The following PDE4D variants were observed in gnomAD, a reference collection of about 807,000 sequenced individuals.
PDE4D encodes the protein 3',5'-cyclic-AMP phosphodiesterase 4D.
A neutral mutation model predicts 87.4 loss-of-function variants in PDE4D; 24 were observed. The ratio of observed to expected loss-of-function variants is 0.27; its 90% CI spans 0.20 to 0.39. PDE4D has a LOEUF of 0.39. PDE4D is among the 10% of genes least tolerant of loss of function. PDE4D has a pLI of 1.00. For missense variants in PDE4D, 714 were observed against 1,041.0 expected (o/e 0.69, Z 4.32); for synonymous variants, 384 against 383.2 (o/e 1.00, Z -0.02).
chr5:60,161,880 A>G (rs555757626), intron 2 of PDE4D, among the ~76,000 whole-genome samples: 1 of 152,288 alleles, frequency 6.6e-6, no homozygotes, highest in African/African-American at 2.4e-5. Context: ...CAAAGGAGAA[A>G]ACTGAGATGC....
At chr5:60,167,429 C>T (rs898332901) in intron 2 of PDE4D, among the ~76,000 whole-genome samples, 1 of 151,616 alleles carries the variant, frequency 6.6e-6, no homozygotes, top group African/African-American at 2.4e-5. Flanking sequence ...CCACCTCGCC[C>T]GGCTAATTTT....
chr5:59,128,015 C>CGTGTGTGTGTGTGTGT (rs55796726), intron 5 of PDE4D, among the ~76,000 whole-genome samples: 261 of 144,412 alleles, frequency 1.8e-3, no homozygotes, highest in South Asian at 6.8e-3. Flanking sequence ...CTTTCAGAGC[C>CGTGTGTGTGTGTGTGT]GTGTGTGTGT....
chr5:60,214,108 G>A (rs916520454), intron 1 of PDE4D, among the ~76,000 whole-genome samples: 4 of 152,108 alleles, frequency 2.6e-5, no homozygotes, highest in African/African-American at 9.7e-5. Flanking sequence ...TGAGAGAGAT[G>A]CTAAGATCAC....
intron 5 of PDE4D, among the ~76,000 whole-genome samples, chr5:59,112,123 C>T (rs1772762766): frequency 6.6e-6 from 1 of 152,040 alleles, no homozygotes; most frequent in Non-Finnish European, 1.5e-5. Context: ...AGATGAAACA[C>T]AAGCAAAGAC....
rs569327711 is a variant in PDE4D, at chr5:60,503,208, T to C, written n.70+18843A>G. On this transcript the variant is annotated intron_variant and non_coding_transcript_variant, in intron 1 of 2. Transcript: ENST00000506510. Reference sequence around the variant, plus strand: ...AGTGAGGGAATCCACGATACTCCTTTCCCTAATAACTCAGCAGAAAACAAG... The same window carrying C: ...AGTGAGGGAATCCACGATACTCCTTCCCCTAATAACTCAGCAGAAAACAAG... Among the ~76,000 whole-genome samples, 16 of 152,204 alleles carry C rather than the reference T, an allele frequency of 1.1e-4. No homozygotes were observed. In the South Asian group the frequency reaches 2.9e-3, roughly 28 times the overall value.
At chr5:60,040,498 A>G (rs1425383350) in intron 2 of PDE4D, among the ~76,000 whole-genome samples, 4 of 152,206 alleles carry the variant, frequency 2.6e-5, no homozygotes, top group Non-Finnish European at 2.9e-5. Flanking sequence ...TTATCTCACT[A>G]TAACTTTCAC....
chr5:59,792,630 G>T (rs1426966575), intron 1 of PDE4D, among the ~76,000 whole-genome samples: 3 of 152,130 alleles, frequency 2.0e-5, no homozygotes, highest in African/African-American at 7.2e-5. Flanking sequence ...GAGAATAAGT[G>T]AATATGCAAA....
At chr5:60,148,155 C>A (rs567503563) in intron 2 of PDE4D, among the ~76,000 whole-genome samples, 10 of 152,218 alleles carry the variant, frequency 6.6e-5, no homozygotes, top group Non-Finnish European at 1.2e-4. Flanking sequence ...TTACCCCCAC[C>A]AAGCAGTAGT....
At chr5:59,456,817 T>C (rs953637953) in intron 1 of PDE4D, among the ~76,000 whole-genome samples, 1 of 152,140 alleles carries the variant, frequency 6.6e-6, no homozygotes, top group African/African-American at 2.4e-5. Flanking sequence ...AGGGTTCAAG[T>C]GAAGGAATTA....
At chr5:59,663,043 T>C (rs1745499951) in intron 1 of PDE4D, among the ~76,000 whole-genome samples, 1 of 152,240 alleles carries the variant, frequency 6.6e-6, no homozygotes, top group Non-Finnish European at 1.5e-5. Flanking sequence ...AGGCTTCACA[T>C]TAAATTTTGC....
chr5:59,379,237 G>A (rs1299095894), intron 1 of PDE4D, among the ~76,000 whole-genome samples: 2 of 152,018 alleles, frequency 1.3e-5, no homozygotes, highest in Non-Finnish European at 2.9e-5. Flanking sequence ...TTGATTGCCT[G>A]ATACATAAAT....
chr5:59,339,456 G>C (rs1248865460), intron 1 of PDE4D, among the ~76,000 whole-genome samples: 1 of 152,154 alleles, frequency 6.6e-6, no homozygotes, highest in African/African-American at 2.4e-5. Context: ...CAGGGGAGGA[G>C]GTGTTCTGTG....
chr5:60,216,346 C>T (rs1743848565), intron 1 of PDE4D, among the ~76,000 whole-genome samples: 1 of 152,108 alleles, frequency 6.6e-6, no homozygotes, highest in Non-Finnish European at 1.5e-5. Context: ...TTGTAATAGA[C>T]ATCTATTATT....
At chr5:59,304,954 T>C (rs916997136) in intron 1 of PDE4D, among the ~76,000 whole-genome samples, 1 of 152,236 alleles carries the variant, frequency 6.6e-6, no homozygotes, top group African/African-American at 2.4e-5. Flanking sequence ...TCTTGTGGAA[T>C]AGTGTCAAAA....
intron 2 of PDE4D, among the ~76,000 whole-genome samples, chr5:60,011,939 C>T (rs1765055273): frequency 6.6e-6 from 1 of 151,976 alleles, no homozygotes; most frequent in Non-Finnish European, 1.5e-5. Context: ...ATTAAAAATC[C>T]ATTCTAAATA....
chr5:59,703,026 GAACT>G (rs1214052713), intron 1 of PDE4D, among the ~76,000 whole-genome samples: 1 of 152,090 alleles, frequency 6.6e-6, no homozygotes, highest in Non-Finnish European at 1.5e-5. Flanking sequence ...AGAAAACGTG[GAACT>G]GTCTTCAATC....
At chr5:60,386,477 T>G (rs1483782793) in intron 1 of PDE4D, among the ~76,000 whole-genome samples, 1 of 152,146 alleles carries the variant, frequency 6.6e-6, no homozygotes, top group African/African-American at 2.4e-5. Context: ...AATTAGATAC[T>G]CCTAAAAGGA....
At chr5:59,307,324 C>T in intron 1 of PDE4D, among the ~76,000 whole-genome samples, 1 of 146,300 alleles carries the variant, frequency 6.8e-6, no homozygotes, top group Non-Finnish European at 1.5e-5. Context: ...TCTAAAACAC[C>T]AAAAGCAATG....
At chr5:59,758,926 A>G (rs569928420) in intron 1 of PDE4D, among the ~76,000 whole-genome samples, 1 of 152,280 alleles carries the variant, frequency 6.6e-6, no homozygotes, top group South Asian at 2.1e-4. Flanking sequence ...TGACTTATTA[A>G]TAGAGTCTCC....
Sources: gnomAD v4.1 joint callset for allele counts (sites outside exome capture counted in the v4.1 genomes callset) on GRCh38, gnomAD v4.1.1 for gene constraint, MANE v1.5 for transcripts, NCBI Gene and HGNC (gene_info 2026-07-23, HGNC 2026-07-21) for gene names.